The following KLHL13 variants were observed in gnomAD, a reference collection of about 807,000 sequenced individuals.
The protein encoded by KLHL13 is kelch-like protein 13.
A neutral mutation model predicts 37.1 loss-of-function variants in KLHL13; 10 were observed. The observed-to-expected ratio is 0.27, with a 90% CI of 0.17 to 0.46. KLHL13 has a LOEUF of 0.46. Ranked by LOEUF, KLHL13 falls within the 20% of genes least tolerant of loss-of-function variation. The pLI, the probability that KLHL13 is intolerant of heterozygous loss-of-function variation, is 1.00. For missense variants in KLHL13, 360 were observed against 509.3 expected (o/e 0.71, Z 2.82); for synonymous variants, 163 against 181.2 (o/e 0.90, Z 0.81).
chrX:118,025,877 C>G (rs989705435), intron 1 of KLHL13, among the ~76,000 whole-genome samples: 1 of 112,035 alleles, frequency 8.9e-6, no homozygotes, highest in East Asian at 2.8e-4. Flanking sequence ...AAGTTATGAC[C>G]ACAGTGTATG....
At chrX:117,945,504 T>C in exon 2 of KLHL13, 2 of 1,208,161 alleles carry the variant, frequency 1.7e-6, no homozygotes, top group East Asian at 5.9e-5. Context: ...AGACTGCAAA[T>C]GGGATGAGAG....
At chrX:117,920,047 T>C (rs1040352224) in intron 3 of KLHL13, among the ~76,000 whole-genome samples, 191 bp downstream of exon 4, 4 of 107,087 alleles carry the variant, frequency 3.7e-5, no homozygotes, top group African/African-American at 1.4e-4. Context: ...GAGATAAAGA[T>C]GGACAGTATG....
chrX:117,907,035 T>C (rs1410596417), intron 5 of KLHL13, among the ~76,000 whole-genome samples: 2 of 111,741 alleles, frequency 1.8e-5, no homozygotes, highest in East Asian at 5.6e-4. Context: ...AGCCTAAATA[T>C]GAATTTAGGA....
intron 1 of KLHL13, among the ~76,000 whole-genome samples, chrX:118,007,034 TGCTTCAGG>T (rs1055006184): frequency 1.8e-5 from 2 of 111,411 alleles, no homozygotes; most frequent in Non-Finnish European, 3.8e-5. Context: ...GACTTAGCAC[TGCTTCAGG>T]GAATCTAGAG....
rs192200969 is a variant in KLHL13, at chrX:118,021,511, T to C, written c.-55-75936A>G. 6.4e-5 allele frequency among the ~76,000 whole-genome samples: 7 copies of C among 109,688 alleles called. No homozygotes were observed. The East Asian group carries it at 8.8e-4, about 14-fold the overall frequency. ...GGTGTTTGGTTTTCTGTCCTTGTGA[T>C]AGTTTGCTGAGAATGATGGTTTCCA... is the stretch of plus-strand genomic sequence containing the variant. On this transcript the variant is annotated intron_variant, in intron 1 of 6. Coordinates refer to the KLHL13 transcript ENST00000371882.
intron 4 of KLHL13, 94 bp from the exon 6 acceptor site, chrX:117,910,190 T>G: frequency 3.3e-6 from 2 of 599,285 alleles, no homozygotes; most frequent in Admixed American, 7.7e-5. Context: ...AAGAGTAAAT[T>G]ATGCTTTTAA....
chrX:118,096,995 A>G (rs1311331463), intron 1 of KLHL13, among the ~76,000 whole-genome samples: 1 of 111,329 alleles, frequency 9.0e-6, no homozygotes, highest in African/African-American at 3.3e-5. Flanking sequence ...AAAAACTGGA[A>G]GCATTCCCTT....
chrX:118,088,775 T>C (rs774022210), intron 1 of KLHL13, among the ~76,000 whole-genome samples: 5 of 111,715 alleles, frequency 4.5e-5, no homozygotes, highest in Non-Finnish European at 9.4e-5. Flanking sequence ...ATTTTTTTCC[T>C]TATTTCTCCT....
rs187492817 is a variant in KLHL13 at position 117,906,294 on chromosome X, A to G, written c.1366+3007T>C. 7.1e-4 allele frequency among the ~76,000 whole-genome samples: 80 copies of G among 111,958 alleles called. No homozygotes were observed. The East Asian group carries it at 8.1e-3, about 11-fold the overall frequency. The stretch of plus-strand genomic sequence containing the variant: ...CAAAATCTGCTATTCTGCAAAAACA[A>G]TGGGTCCAAGAAAACTGGAAATGCC... On this transcript the variant is annotated intron_variant, in intron 5 of 6. Transcript: ENST00000262820.
intron 1 of KLHL13, among the ~76,000 whole-genome samples, chrX:118,032,050 G>C (rs182438478): frequency 9.0e-6 from 1 of 111,299 alleles, no homozygotes; most frequent in Non-Finnish European, 1.9e-5. Flanking sequence ...AAAAAACAGC[G>C]CACCAGGAGA....
intron 1 of KLHL13, among the ~76,000 whole-genome samples, chrX:118,105,051 A>G (rs2055331596): frequency 8.9e-6 from 1 of 112,393 alleles, no homozygotes; most frequent in Non-Finnish European, 1.9e-5. Context: ...TTTAAAATAA[A>G]CACGCCCACA....
chrX:117,910,150 T>C (rs1930881680), intron 4 of KLHL13, 54 bp from the exon 6 acceptor site: 1 of 852,386 alleles, frequency 1.2e-6, no homozygotes, highest in Non-Finnish European at 1.6e-6. Flanking sequence ...GGCAATCACA[T>C]CTTGATAGCA....
At chrX:118,097,313 G>A (rs920071588) in intron 1 of KLHL13, among the ~76,000 whole-genome samples, 3 of 111,186 alleles carry the variant, frequency 2.7e-5, no homozygotes, top group African/African-American at 6.6e-5. Context: ...AGATCATGAG[G>A]GAACTCCCAT....
At chrX:117,930,930 G>A (rs1008889647) in intron 2 of KLHL13, among the ~76,000 whole-genome samples, 2 of 111,722 alleles carry the variant, frequency 1.8e-5, no homozygotes, top group African/African-American at 3.2e-5. Flanking sequence ...TGTTAACAAC[G>A]TACTAACATT....
chrX:117,997,665 G>A (rs149870538), intron 1 of KLHL13, among the ~76,000 whole-genome samples: 1,830 of 111,559 alleles, frequency 0.016, 34 homozygotes, highest in African/African-American at 0.056. Flanking sequence ...GTCCTTCAAG[G>A]TCAGATGATT....
chrX:117,969,576 A>T (rs1000732825), intron 1 of KLHL13, among the ~76,000 whole-genome samples: 1 of 111,374 alleles, frequency 9.0e-6, no homozygotes, highest in African/African-American at 3.3e-5. Context: ...AACACATGTC[A>T]CCAAGCACTC....
At chrX:117,982,076 T>C (rs1441288144) in intron 1 of KLHL13, among the ~76,000 whole-genome samples, 1 of 109,757 alleles carries the variant, frequency 9.1e-6, no homozygotes, top group Non-Finnish European at 1.9e-5. Flanking sequence ...CTTATGACTT[T>C]GCTAGATGTT....
At chrX:118,014,779 T>C (rs2054109402) in intron 1 of KLHL13, among the ~76,000 whole-genome samples, 1 of 112,281 alleles carries the variant, frequency 8.9e-6, no homozygotes, top group Non-Finnish European at 1.9e-5. Context: ...ATTGAAATAT[T>C]GGGGGCTGAT....
intron 1 of KLHL13, among the ~76,000 whole-genome samples, chrX:118,098,652 A>G: frequency 9.4e-6 from 1 of 106,756 alleles, no homozygotes; most frequent in Middle Eastern, 4.8e-3. Context: ...ACTATTCACA[A>G]TAGCAAAGAC....
Sources: gnomAD v4.1 joint callset for allele counts (sites outside exome capture counted in the v4.1 genomes callset) on GRCh38, gnomAD v4.1.1 for gene constraint, MANE v1.5 for transcripts, NCBI Gene and HGNC (gene_info 2026-07-23, HGNC 2026-07-21) for gene names.